Variants in MIS18BP1 observed in about 807,000 individuals in gnomAD.
MIS18BP1 encodes mis18-binding protein 1.
A neutral mutation model predicts 116.1 loss-of-function variants in MIS18BP1; 72 were observed. The ratio of observed to expected loss-of-function variants is 0.62; its 90% confidence interval spans 0.51 to 0.75. The LOEUF (loss-of-function observed/expected upper bound fraction) is 0.75. MIS18BP1 is among the 30% of genes least tolerant of loss of function. The probability of loss-of-function intolerance (pLI) is 0.00; values close to 1 mark genes in which losing one functional copy is unlikely to be tolerated. For missense variants in MIS18BP1, 1,363 were observed against 1,303.2 expected (o/e 1.05, Z -0.71); for synonymous variants, 386 against 427.0 (o/e 0.90, Z 1.18).
At chr14:45,210,556 G>A (rs1890647856) in intron 13 of MIS18BP1, 28 bp from the exon 14 acceptor site, 1 of 1,612,338 alleles carries the variant, frequency 6.2e-7, no homozygotes, top group Non-Finnish European at 8.5e-7. Context: ...ATTATCAGCA[G>A]GCACCCCATA....
chr14:45,217,035 T>C lies in MIS18BP1; in HGVS notation c.2987A>G (p.Gln996Arg). 1 of 1,614,088 alleles carries C rather than the reference T, an allele frequency of 6.2e-7. No homozygotes were observed. Among genetic ancestry groups the C allele is most frequent in the Admixed American group, 1.7e-5 (1 of 60,018 alleles). Residue 996 changes from glutamine to arginine, a missense_variant, in exon 13 of 17, where the codon CAG becomes CGG. Transcript: ENST00000310806. ...HDDFFSTTPLQHQRILLPSFQ... is the reference protein window; with the variant it reads ...HDDFFSTTPLRHQRILLPSFQ... The stretch of plus-strand genomic sequence containing the variant: ...GCCTCTTACCAGTATTCTTTGATGC[T>C]GTAAAGGTGTTGTACTGAAAAAATC...
At chr14:45,235,399 G>A (rs1351001698) in intron 6 of MIS18BP1, among the ~76,000 whole-genome samples, 2 of 151,368 alleles carry the variant, frequency 1.3e-5, no homozygotes, top group East Asian at 3.9e-4. Context: ...GTCATGCACA[G>A]GACCAGCCTG....
chr14:45,227,813 T>A lies in MIS18BP1; in HGVS notation c.1596A>T (p.Glu532Asp). The change falls in exon 9 of 17, where the codon GAA becomes GAT. Residue 532 changes from glutamate (E) to aspartate (D), a missense_variant and splice_region_variant. By Grantham distance (45) the Glu-to-Asp change is conservative. Coordinates refer to ENST00000310806, the MANE Select transcript of MIS18BP1 (RefSeq NM_018353.5). ...TTYDFDCDNL[E>D]LKSNKHSESP... The stretch of plus-strand genomic sequence containing the variant: ...ACTCACTGTGCTTATTACTCTTCAG[T>A]TCTATGAATACAAAGATGGAGATTT... The A allele has an allele frequency of 6.2e-7, 1 of 1,612,150 alleles. No homozygotes were observed. The highest frequency in any genetic ancestry group is 2.2e-5 in the East Asian group (1 of 44,862).
intron 13 of MIS18BP1, among the ~76,000 whole-genome samples, chr14:45,213,044 T>C (rs1395750583): frequency 1.3e-5 from 2 of 152,156 alleles, no homozygotes; most frequent in Non-Finnish European, 2.9e-5. Context: ...TTGGTCAAAT[T>C]CTCTTTTTAA....
At chr14:45,226,858 A>C in intron 9 of MIS18BP1, 22 bp from the exon 10 acceptor site, 4 of 1,325,476 alleles carry the variant, frequency 3.0e-6, no homozygotes, top group Non-Finnish European at 4.0e-6. Context: ...AAAGATACCT[A>C]GGTTTTATTT....
chr14:45,205,278 A>G (rs1243139708), intron 15 of MIS18BP1, among the ~76,000 whole-genome samples: 1 of 152,104 alleles, frequency 6.6e-6, no homozygotes, highest in Non-Finnish European at 1.5e-5. Flanking sequence ...TATAATCATG[A>G]TCCCCATTGT....
rs558154622 is a variant in MIS18BP1 at position 45,240,935 on chromosome 14, T to C, written c.1143+1099A>G. ...ATAAATAAATAGATAGATAAATAAA[T>C]AAAGTTTAAATATTTTCCAATAATG... On this transcript the variant is annotated intron_variant, in intron 4 of 16. Coordinates refer to ENST00000310806, the MANE Select transcript of MIS18BP1 (RefSeq NM_018353.5). Among the ~76,000 whole-genome samples, 4 of 151,948 alleles carry C rather than the reference T, an allele frequency of 2.6e-5. No individual in the cohort carries two copies. In the South Asian group the frequency reaches 8.3e-4, roughly 32 times the overall value.
intron 1 of MIS18BP1, among the ~76,000 whole-genome samples, chr14:45,248,210 T>A (rs60935005): frequency 0.022 from 3,309 of 151,834 alleles, 116 homozygotes; most frequent in African/African-American, 0.076. Flanking sequence ...ATTGGAATTA[T>A]GTATGCACCA....
chr14:45,227,697 A>G lies in MIS18BP1; in HGVS notation c.1712T>C (p.Ile571Thr), dbSNP rs535220806. 6.2e-7 allele frequency: 1 copy of G among 1,613,712 alleles called. No individual in the cohort carries two copies. The highest frequency in any genetic ancestry group is 1.1e-5 in the South Asian group (1 of 91,068). ...RFPDDQVNNT[I>T]QNGGGDDLSN... Reference sequence around the variant, plus strand: ...TAAGTCATCTCCTCCTCCATTTTGAATAGTATTATTTACTTGGTCATCTGG... The same window carrying G: ...TAAGTCATCTCCTCCTCCATTTTGAGTAGTATTATTTACTTGGTCATCTGG... The change falls in exon 9 of 17, where the codon ATT becomes ACT. Residue 571 changes from isoleucine to threonine, a missense_variant. Coordinates refer to ENST00000310806, the MANE Select transcript of MIS18BP1 (RefSeq NM_018353.5).
In MIS18BP1 at chr14:45,232,287, G is replaced by A. The variant is rs190463768; in HGVS notation, c.1436+446C>T. On this transcript the variant is annotated intron_variant, in intron 7 of 16. Coordinates refer to ENST00000310806, the MANE Select transcript of MIS18BP1 (RefSeq NM_018353.5). Reference sequence around the variant, plus strand: ...AAAAAATTAGCCAGGTGTGGTGGCGGGCGCCTGTAGTCCCAGCTACTCGGG... The same window carrying A: ...AAAAAATTAGCCAGGTGTGGTGGCGAGCGCCTGTAGTCCCAGCTACTCGGG... 2.9e-4 allele frequency among the ~76,000 whole-genome samples: 44 copies of A among 151,740 alleles called. 1 individual carries two copies. Among genetic ancestry groups the A allele is most frequent in the Admixed American group, 1.2e-3 (18 of 15,250 alleles).
At chr14:45,231,520 A>C (rs1359593651) in intron 7 of MIS18BP1, 3 of 409,318 alleles carry the variant, frequency 7.3e-6, no homozygotes, top group Non-Finnish European at 1.3e-5. Context: ...ATGATCTCCA[A>C]ACTGCTTCCT....
At chr14:45,208,589 C>T (rs746056777) in intron 14 of MIS18BP1, among the ~76,000 whole-genome samples, 3 of 152,080 alleles carry the variant, frequency 2.0e-5, no homozygotes, top group Non-Finnish European at 4.4e-5. Context: ...GCCTCAGCCT[C>T]CCAAAGTGCT....
At position 45,227,743 on chromosome 14, in the gene MIS18BP1, T is replaced by G. The variant is rs774391703; in HGVS notation, c.1666A>C (p.Asn556His). 5 of 1,613,988 alleles carry G rather than the reference T, an allele frequency of 3.1e-6. No homozygotes were observed. In the South Asian group the frequency reaches 3.3e-5, roughly 11 times the overall value. Reference sequence around the variant, plus strand: ...TCTGGGAACCTTAATGTTGGTTTATTTTGGCAATTACTGTGGCACATGTTT... The same window carrying G: ...TCTGGGAACCTTAATGTTGGTTTATGTTGGCAATTACTGTGGCACATGTTT... ...ELNMCHSNCQ[N>H]KPTLRFPDDQ... Residue 556 changes from asparagine (N) to histidine (H), a missense_variant, in exon 9 of 17, where the codon AAT (asparagine) becomes CAT (histidine). Asn to His is a moderately conservative substitution (Grantham distance 68). Transcript: ENST00000310806.
At chr14:45,242,994 G>T (rs1484898567) in intron 2 of MIS18BP1, 120 bp from the exon 3 acceptor site, 2 of 617,572 alleles carry the variant, frequency 3.2e-6, no homozygotes, top group Admixed American at 6.5e-5. Context: ...GACCAGTATA[G>T]TACTTTTGCA....
chr14:45,206,799 TC>T (rs1211353723), intron 14 of MIS18BP1, among the ~76,000 whole-genome samples: 3 of 152,214 alleles, frequency 2.0e-5, no homozygotes, highest in Non-Finnish European at 4.4e-5. Context: ...TTTCCAAAAC[TC>T]CCACTGAGAC....
chr14:45,222,313 T>G (rs1464157958), intron 11 of MIS18BP1, among the ~76,000 whole-genome samples: 1 of 152,204 alleles, frequency 6.6e-6, no homozygotes, highest in Non-Finnish European at 1.5e-5. Context: ...CTCTTCTTCT[T>G]TGCCTTCTTT....
intron 14 of MIS18BP1, among the ~76,000 whole-genome samples, chr14:45,209,011 T>C (rs1044455850): frequency 2.6e-5 from 4 of 152,154 alleles, no homozygotes; most frequent in Admixed American, 2.0e-4. Context: ...TTTTCTTAAT[T>C]TTATTTATTT....
intron 11 of MIS18BP1, among the ~76,000 whole-genome samples, chr14:45,221,790 T>C (rs889998990): frequency 4.6e-5 from 7 of 152,246 alleles, no homozygotes; most frequent in African/African-American, 1.7e-4. Context: ...TCTATATCCC[T>C]GCTAATTTTC....
intron 5 of MIS18BP1, among the ~76,000 whole-genome samples, chr14:45,236,669 T>G (rs2139220699): frequency 6.6e-6 from 1 of 152,326 alleles, no homozygotes; most frequent in South Asian, 2.1e-4. Flanking sequence ...GTATTACTTC[T>G]CTTCAATTCT....
Sources: allele counts gnomAD v4.1 joint callset (sites outside exome capture counted in the v4.1 genomes callset), GRCh38; gene constraint gnomAD v4.1.1; transcripts MANE v1.5; gene names NCBI Gene and HGNC (gene_info 2026-07-23, HGNC 2026-07-21).